Variants in PHEX observed in about 807,000 individuals in gnomAD.
The protein encoded by PHEX is phosphate regulating endopeptidase X-linked, also known as phosphate-regulating neutral endopeptidase PHEX.
Under a neutral mutation model 68.0 loss-of-function variants are expected in PHEX, and 16 were observed. The observed-to-expected ratio is 0.24, with a 90% confidence interval of 0.16 to 0.36. The LOEUF (loss-of-function observed/expected upper bound fraction) is 0.36. Ranked by LOEUF, PHEX falls within the 10% of genes least tolerant of loss-of-function variation. PHEX has a pLI of 1.00. For missense variants in PHEX, 480 were observed against 575.5 expected, an observed-to-expected ratio of 0.83 and a Z score of 1.70; for synonymous variants, 208 against 205.1, an observed-to-expected ratio of 1.01 and a Z score of -0.12.
intron 12 of PHEX, among the ~76,000 whole-genome samples, chrX:22,154,377 A>G (rs1324797013): frequency 9.0e-6 from 1 of 111,119 alleles, no homozygotes; most frequent in East Asian, 2.8e-4. Context: ...GTACCATGGC[A>G]AGTACCATGA....
chrX:22,188,774 T>C (rs1287152352), intron 14 of PHEX, among the ~76,000 whole-genome samples: 1 of 111,977 alleles, frequency 8.9e-6, no homozygotes, highest in African/African-American at 3.2e-5. Context: ...GCTTATATTA[T>C]TATAGTTATC....
chrX:22,226,405 GCATT>G (rs1569433925), intron 18 of PHEX, 34 bp from the exon 19 acceptor site: 1 of 950,190 alleles, frequency 1.1e-6, no homozygotes, highest in South Asian at 1.9e-5. Context: ...CGTGAAACAC[GCATT>G]CATTTTTTTT....
At chrX:22,045,237 C>G (rs901704583) in intron 2 of PHEX, among the ~76,000 whole-genome samples, 12 of 111,888 alleles carry the variant, frequency 1.1e-4, no homozygotes, top group African/African-American at 3.9e-4. Context: ...AGATATGTAT[C>G]TAAATTGACA....
rs758485292 is a variant in PHEX, at chrX:22,065,273, A to T, written c.350-11115A>T. Among the ~76,000 whole-genome samples, 4 of 112,371 alleles carry T rather than the reference A, an allele frequency of 3.6e-5. No homozygotes were observed. In the Admixed American group the frequency reaches 3.8e-4, roughly 11 times the overall value. ...GATATTTATGAAAGAGAGCAGCACA[A>T]ACACAAATATGTGCTAATATACTCA... On this transcript the variant is annotated intron_variant, in intron 3 of 21. Transcript: ENST00000379374.
chrX:22,245,889 G>A (rs748167687), intron 21 of PHEX, among the ~76,000 whole-genome samples: 2 of 111,665 alleles, frequency 1.8e-5, no homozygotes, highest in East Asian at 2.8e-4. Context: ...AACACCTAGC[G>A]CTCTGGTTTA....
intron 5 of PHEX, among the ~76,000 whole-genome samples, chrX:22,079,420 T>C (rs1929292505): frequency 1.8e-5 from 2 of 112,033 alleles, no homozygotes; most frequent in Non-Finnish European, 3.8e-5. Context: ...CCCTCCTTTT[T>C]TGGGAGGTGG....
At chrX:22,099,603 G>A (rs1930329056) in intron 9 of PHEX, among the ~76,000 whole-genome samples, 1 of 110,347 alleles carries the variant, frequency 9.1e-6, no homozygotes. Context: ...ACCACCTTGA[G>A]AGTGGTAGAA....
chrX:22,041,622 G>T (rs1927294489), intron 2 of PHEX, among the ~76,000 whole-genome samples: 1 of 110,230 alleles, frequency 9.1e-6, no homozygotes, highest in Non-Finnish European at 1.9e-5. Flanking sequence ...TTCTCCAGTG[G>T]TGAGAGATTG....
chrX:22,228,212 C>G (rs879210159), intron 20 of PHEX, among the ~76,000 whole-genome samples: 1 of 112,276 alleles, frequency 8.9e-6, no homozygotes, highest in Admixed American at 9.5e-5. Flanking sequence ...TCTAATGAGG[C>G]AAGTGCCAAA....
intron 12 of PHEX, among the ~76,000 whole-genome samples, chrX:22,142,797 A>G (rs768424706): frequency 2.7e-4 from 30 of 112,773 alleles, no homozygotes; most frequent in Non-Finnish European, 4.1e-4. Flanking sequence ...TGAGATATTT[A>G]GCAATGCGTT....
At chrX:22,196,788 A>G (rs984193076) in intron 15 of PHEX, among the ~76,000 whole-genome samples, 3 of 112,291 alleles carry the variant, frequency 2.7e-5, no homozygotes, top group African/African-American at 9.7e-5. Flanking sequence ...TGTTATACAC[A>G]AGGGATTTTT....
chrX:22,064,061 C>G lies in PHEX; in HGVS notation c.350-12327C>G, dbSNP rs192798772. Among the ~76,000 whole-genome samples the G allele has an allele frequency of 4.4e-5, 5 of 112,757 alleles. No homozygotes were observed. The East Asian group carries it at 1.1e-3, about 25-fold the overall frequency. On this transcript the variant is annotated intron_variant, in intron 3 of 21. Transcript: ENST00000379374. ...TGAGCTAAGAAAGAGTAAGCTATTA[C>G]ATGACGCTTTTTTATCACTTGGAAT...
intron 3 of PHEX, among the ~76,000 whole-genome samples, chrX:22,054,430 C>G (rs775056477): frequency 2.7e-5 from 3 of 112,096 alleles, no homozygotes; most frequent in Non-Finnish European, 3.8e-5. Flanking sequence ...CCACCGCACC[C>G]GGCCACTTCA....
intron 20 of PHEX, among the ~76,000 whole-genome samples, chrX:22,228,010 C>G (rs751794627): frequency 2.7e-5 from 3 of 111,667 alleles, no homozygotes; most frequent in Non-Finnish European, 3.8e-5. Context: ...TATGCCACCA[C>G]TCTCAGCCTG....
chrX:22,051,760 T>G (rs184098021), intron 3 of PHEX, among the ~76,000 whole-genome samples: 14 of 111,239 alleles, frequency 1.3e-4, no homozygotes, highest in African/African-American at 4.5e-4. Flanking sequence ...TATATACTTA[T>G]ATACTTTTAT....
At chrX:22,190,408 A>G (rs1160158822) in intron 14 of PHEX, 36 bp from the exon 15 acceptor site, 22 of 1,034,797 alleles carry the variant, frequency 2.1e-5, no homozygotes, top group Non-Finnish European at 3.0e-5. Context: ...CTGTATAATG[A>G]TGATTGCTCT....
chrX:22,069,327 T>C (rs1928779147), intron 3 of PHEX, among the ~76,000 whole-genome samples: 1 of 112,255 alleles, frequency 8.9e-6, no homozygotes. Flanking sequence ...TTCATTGTAA[T>C]GCTATGCTAT....
rs546748853 is a variant in PHEX, at chrX:22,235,273, T to A, written c.2070+7662T>A. ...GCATTGATTTCGCTGGGAGCTGCAG[T>A]CCAGTGCTGTTCCTATTTGGCCATC... On this transcript the variant is annotated intron_variant, in intron 20 of 21. Transcript: ENST00000379374. 1.9e-3 allele frequency among the ~76,000 whole-genome samples: 210 copies of A among 112,115 alleles called. 1 individual carries two copies. Among genetic ancestry groups the A allele is most frequent in the African/African-American group, 6.3e-3 (194 of 30,926 alleles).
At chrX:22,156,002 C>T (rs1400362798) in intron 12 of PHEX, among the ~76,000 whole-genome samples, 2 of 111,616 alleles carry the variant, frequency 1.8e-5, no homozygotes, top group East Asian at 5.6e-4. Flanking sequence ...ACGTGGCTGT[C>T]GTCAGAGAGA....
Sources: allele counts gnomAD v4.1 joint callset (sites outside exome capture counted in the v4.1 genomes callset), GRCh38; gene constraint gnomAD v4.1.1; transcripts MANE v1.5; gene names NCBI Gene and HGNC (gene_info 2026-07-23, HGNC 2026-07-21).